The following MTR variants were observed in gnomAD, a reference collection of about 807,000 sequenced individuals.
MTR encodes 5-methyltetrahydrofolate-homocysteine methyltransferase, also known as methionine synthase.
Under a neutral mutation model 154.8 loss-of-function variants are expected in MTR, and 84 were observed. The ratio of observed to expected loss-of-function variants is 0.54; its 90% confidence interval spans 0.45 to 0.65. The LOEUF (loss-of-function observed/expected upper bound fraction) is 0.65. Among genes scored for constraint, MTR ranks in the 30% least tolerant of loss-of-function variants. The pLI is 0.00. For missense variants in MTR, 1,275 were observed against 1,570.2 expected (o/e 0.81, Z 3.18); for synonymous variants, 554 against 553.9 (o/e 1.00, Z 0.00).
intron 1 of MTR, chr1:236,800,175 A>G (rs1273157927): frequency 2.0e-6 from 2 of 985,336 alleles, no homozygotes; most frequent in Non-Finnish European, 2.4e-6. Flanking sequence ...GCACTCGCTC[A>G]GTGGAGGAGA....
chr1:236,897,308 A>ATGCACGCGCG (rs57608445), intron 32 of MTR, among the ~76,000 whole-genome samples, 190 bp downstream of exon 32: 1 of 131,456 alleles, frequency 7.6e-6, no homozygotes, highest in Admixed American at 7.3e-5. Flanking sequence ...AGCCACACAC[A>ATGCACGCGCG]CGCACACACA....
At chr1:236,893,536 C>A (rs1666452450) in intron 29 of MTR, among the ~76,000 whole-genome samples, 1 of 152,170 alleles carries the variant, frequency 6.6e-6, no homozygotes. Context: ...ACCTATGTCA[C>A]AAGGTGGTTG....
chr1:236,861,015 C>CTGTGCTGT, intron 19 of MTR, 110 bp from the exon 20 acceptor site: 1 of 928,292 alleles, frequency 1.1e-6, no homozygotes, highest in Non-Finnish European at 1.6e-6. Context: ...CTTCTGGAAC[C>CTGTGCTGT]TGTGCTGTTA....
intron 15 of MTR, among the ~76,000 whole-genome samples, chr1:236,841,654 T>TC (rs1270917762): frequency 1.3e-5 from 2 of 151,908 alleles, no homozygotes; most frequent in African/African-American, 4.8e-5. Context: ...AATCTTTTTT[T>TC]TTTTTTTAGT....
Position 236,891,340 on chromosome 1 carries a change from T to C in MTR, c.3204+11T>C, listed in dbSNP as rs1268869781. Reference sequence around the variant, plus strand: ...GGGTTAAGGCAACAGGTATGGAAGGTGTACTGACAGCCAGCACACCGCTTT... The same window carrying C: ...GGGTTAAGGCAACAGGTATGGAAGGCGTACTGACAGCCAGCACACCGCTTT... On this transcript the variant is annotated intron_variant, in intron 29 of 32. Coordinates refer to ENST00000366577, the MANE Select transcript of MTR (RefSeq NM_000254.3). 1.5e-5 allele frequency: 24 copies of C among 1,613,146 alleles called. No homozygotes were observed. Among genetic ancestry groups the C allele is most frequent in the Non-Finnish European group, 1.9e-5 (22 of 1,179,508 alleles).
At position 236,865,716 on chromosome 1, in the gene MTR, A is replaced by G. The variant is rs79590847; in HGVS notation, c.2405+2162A>G. ...AATAGAACTAAGGATGTATTCACCAAGAATCTAGTATTACCTACCATTTGT... is the reference window on the plus strand; with the variant it reads ...AATAGAACTAAGGATGTATTCACCAGGAATCTAGTATTACCTACCATTTGT... On this transcript the variant is annotated intron_variant, in intron 22 of 32. Transcript: ENST00000366577. 2.9e-4 allele frequency among the ~76,000 whole-genome samples: 44 copies of G among 152,328 alleles called. No individual in the cohort carries two copies. The East Asian group carries it at 8.3e-3, about 29-fold the overall frequency.
chr1:236,874,792 T>G lies in MTR; in HGVS notation c.2540T>G (p.Met847Arg). ...LDEMIFVAKEMERLAIRIPLL... is the reference protein window; with the variant it reads ...LDEMIFVAKERERLAIRIPLL... Reference sequence around the variant, plus strand: ...GAAATGATTTTTGTTGCCAAGGAAATGGAGAGATTAGCTATAAGGATTCCA... The same window carrying G: ...GAAATGATTTTTGTTGCCAAGGAAAGGGAGAGATTAGCTATAAGGATTCCA... Residue 847 changes from methionine (M) to arginine (R), a missense_variant, in exon 24 of 33, where the codon ATG (methionine) becomes AGG (arginine). By Grantham distance (91) the Met-to-Arg change is moderately conservative. Transcript: ENST00000366577. The G allele has an allele frequency of 6.2e-7, 1 of 1,613,218 alleles. No individual in the cohort carries two copies. The highest frequency in any genetic ancestry group is 1.7e-4 in the Middle Eastern group (1 of 6,058).
At chr1:236,799,860 A>G (rs926503184) in intron 1 of MTR, among the ~76,000 whole-genome samples, 1 of 151,888 alleles carries the variant, frequency 6.6e-6, no homozygotes, top group African/African-American at 2.4e-5. Flanking sequence ...TCGAAGTCAT[A>G]AAGTTCTTCC....
Position 236,903,976 on chromosome 1 carries a change from A to G in MTR, c.*6332A>G, listed in dbSNP as rs1227504578. 6.6e-6 allele frequency: 1 copy of G among 152,218 alleles called. No homozygotes were observed. The highest frequency in any genetic ancestry group is 1.9e-4 in the East Asian group (1 of 5,200). 9.4% of individuals were successfully genotyped at this position (152,218 alleles called of 1,614,324 possible). On this transcript the variant is annotated 3_prime_UTR_variant, in exon 33 of 33. Transcript: ENST00000366577. ...AATACCATTAATTAAAAATATTTTA[A>G]CCTGATATGATAGATTGTTGAATTT...
chr1:236,891,967 T>C (rs1453937099), intron 29 of MTR, among the ~76,000 whole-genome samples: 1 of 152,138 alleles, frequency 6.6e-6, no homozygotes, highest in Non-Finnish European at 1.5e-5. Context: ...TGGCTTTTTT[T>C]CTTTCGAGTG....
In MTR at chr1:236,901,747, A is replaced by T. The variant is rs981810633; in HGVS notation, c.*4103A>T. 4 of 152,114 alleles carry T rather than the reference A, an allele frequency of 2.6e-5. No homozygotes were observed. The highest frequency in any genetic ancestry group is 9.7e-5 in the African/African-American group (4 of 41,400). 9.4% of individuals were successfully genotyped at this position (152,114 alleles called of 1,614,324 possible). ...TAAGCTTGCTCTCTGGCCTCCTCTT[A>T]AAAAGGCACTAATCCCATTCATGAG... is the stretch of plus-strand genomic sequence containing the variant. On this transcript the variant is annotated 3_prime_UTR_variant, in exon 33 of 33. Coordinates refer to ENST00000366577, the MANE Select transcript of MTR (RefSeq NM_000254.3).
intron 18 of MTR, among the ~76,000 whole-genome samples, chr1:236,857,841 A>G (rs961359023): frequency 2.0e-5 from 3 of 152,282 alleles, no homozygotes; most frequent in South Asian, 2.1e-4. Flanking sequence ...TCCCAGGGGA[A>G]GTGATAGGTC....
In MTR at chr1:236,835,497, C is replaced by T. The variant is rs1471201536; in HGVS notation, c.1189-50C>T. 3 of 1,608,650 alleles carry T rather than the reference C, an allele frequency of 1.9e-6. No individual in the cohort carries two copies. In the African/African-American group the frequency reaches 4.0e-5, roughly 22 times the overall value. On this transcript the variant is annotated intron_variant, in intron 13 of 32. Coordinates refer to ENST00000366577, the MANE Select transcript of MTR (RefSeq NM_000254.3). ...TAAGGAATTACCTCATTAGCCTTTTCTCCTAGTAACTGTCTCCTAATGCTG... is the reference window on the plus strand; with the variant it reads ...TAAGGAATTACCTCATTAGCCTTTTTTCCTAGTAACTGTCTCCTAATGCTG...
At chr1:236,796,197 T>C (rs1361302123) in intron 1 of MTR, among the ~76,000 whole-genome samples, 2 of 152,218 alleles carry the variant, frequency 1.3e-5, no homozygotes, top group African/African-American at 2.4e-5. Flanking sequence ...TGGAACTTTT[T>C]ATTTTCTGCT....
Position 236,806,148 on chromosome 1 carries a change from A to T in MTR, c.254A>T (p.Tyr85Phe), listed in dbSNP as rs766800721. 6.2e-7 allele frequency: 1 copy of T among 1,613,858 alleles called. No individual in the cohort carries two copies. The highest frequency in any genetic ancestry group is 1.7e-5 in the Admixed American group (1 of 60,022). The change falls in exon 3 of 33, where the codon TAC becomes TTC. Residue 85 changes from tyrosine to phenylalanine, a missense_variant. Coordinates refer to ENST00000366577, the MANE Select transcript of MTR (RefSeq NM_000254.3). ...PDVIYQIHKEYLLAGADIIET... is the reference protein window; with the variant it reads ...PDVIYQIHKEFLLAGADIIET... ...CATTATAATCTCTTGTTGCAGGAAT[A>T]CTTGCTGGCTGGGGCAGATATCATT... is the stretch of plus-strand genomic sequence containing the variant.
chr1:236,810,680 A>G (rs376432266), intron 5 of MTR, 85 bp downstream of exon 5: 2 of 1,134,836 alleles, frequency 1.8e-6, no homozygotes. Context: ...AATGGAATCA[A>G]TAACAGGATC....
chr1:236,892,642 A>G (rs144399135), intron 29 of MTR, among the ~76,000 whole-genome samples: 7 of 152,290 alleles, frequency 4.6e-5, no homozygotes, highest in Non-Finnish European at 1.0e-4. Context: ...CATCCTTACC[A>G]TATGCACTTA....
intron 10 of MTR, among the ~76,000 whole-genome samples, chr1:236,826,298 T>C (rs1181271782): frequency 6.6e-6 from 1 of 152,196 alleles, no homozygotes; most frequent in Non-Finnish European, 1.5e-5. Context: ...AACTTTATTT[T>C]TTGTGTTTAT....
intron 29 of MTR, among the ~76,000 whole-genome samples, chr1:236,892,487 A>C (rs1427806719): frequency 1.3e-5 from 2 of 152,276 alleles, no homozygotes; most frequent in Admixed American, 1.3e-4. Flanking sequence ...GTCTCTAAAA[A>C]ACAAACAAAA....
Sources: allele counts gnomAD v4.1 joint callset (sites outside exome capture counted in the v4.1 genomes callset), GRCh38; gene constraint gnomAD v4.1.1; transcripts MANE v1.5; gene names NCBI Gene and HGNC (gene_info 2026-07-23, HGNC 2026-07-21).